ITPR2: variants seen among roughly 807,000 people sequenced by gnomAD.
ITPR2 encodes inositol 1,4,5-trisphosphate receptor type 2.
Under a neutral mutation model 317.1 loss-of-function variants are expected in ITPR2, and 207 were observed. That is an observed-to-expected ratio of 0.65 (90% CI 0.58 to 0.73). ITPR2 has a LOEUF of 0.73. Ranked by LOEUF, ITPR2 falls within the 30% of genes least tolerant of loss-of-function variation. ITPR2 has a pLI of 0.00. For synonymous variants in ITPR2, 1,156 were observed against 1,149.1 expected, an observed-to-expected ratio of 1.01 and a Z score of -0.12; for missense variants, 2,613 against 3,284.0, an observed-to-expected ratio of 0.80 and a Z score of 4.99.
At chr12:26,725,023 T>G (rs1179690585) in intron 3 of ITPR2, among the ~76,000 whole-genome samples, 1 of 152,128 alleles carries the variant, frequency 6.6e-6, no homozygotes, top group African/African-American at 2.4e-5. Flanking sequence ...GATTATAATA[T>G]AGTGTGATGA....
chr12:26,680,322 T>C (rs535635276), intron 13 of ITPR2, among the ~76,000 whole-genome samples: 1 of 152,306 alleles, frequency 6.6e-6, no homozygotes, highest in African/African-American at 2.4e-5. Flanking sequence ...ATTACACATA[T>C]GTCCCACATT....
rs1938698206 is a variant in ITPR2 at position 26,358,104 on chromosome 12, CGGCCGGGCGCGG to C, written c.7858-17788_7858-17777del. Among the ~76,000 whole-genome samples, 4 of 47,840 alleles carry C rather than the reference CGGCCGGGCGCGG, an allele frequency of 8.4e-5. 2 individuals are homozygous for C. The highest frequency in any genetic ancestry group is 4.2e-4 in the Admixed American group (2 of 4,784). The allele number at this position is 47,840 out of a possible 152,430, so 31.4% of individuals were successfully genotyped here. ...TCTATGGATAAAGAATAAAGTCGTT[CGGCCGGGCGCGG>C]TGGCTCACGCCTGTAATCCCAGCAC... On this transcript the variant is annotated intron_variant, in intron 55 of 56. Transcript: ENST00000381340.
At chr12:26,782,931 T>C (rs1054036752) in intron 2 of ITPR2, among the ~76,000 whole-genome samples, 12 of 152,328 alleles carry the variant, frequency 7.9e-5, no homozygotes, top group Admixed American at 2.6e-4. Flanking sequence ...GCAGAATCAC[T>C]GTTAGACAAG....
chr12:26,548,199 T>C lies in ITPR2; in HGVS notation c.5073+2048A>G, dbSNP rs138901785. On this transcript the variant is annotated intron_variant, in intron 37 of 56. Transcript: ENST00000381340. ...GGAACAATTGATAAGTACTACCCAGTAGCTCCTCCACAAAGATAGCCGGTG... is the reference window on the plus strand; with the variant it reads ...GGAACAATTGATAAGTACTACCCAGCAGCTCCTCCACAAAGATAGCCGGTG... Among the ~76,000 whole-genome samples the C allele has an allele frequency of 1.7e-3, 258 of 152,330 alleles. 1 individual carries two copies. The highest frequency in any genetic ancestry group is 6.0e-3 in the African/African-American group (248 of 41,568).
intron 13 of ITPR2, among the ~76,000 whole-genome samples, chr12:26,679,112 A>G (rs1947975175): frequency 6.6e-6 from 1 of 152,232 alleles, no homozygotes; most frequent in African/African-American, 2.4e-5. Flanking sequence ...TTTAGCTCTG[A>G]TATTTACTTG....
intron 2 of ITPR2, among the ~76,000 whole-genome samples, chr12:26,780,226 T>C (rs7301444): frequency 0.79 from 119,573 of 152,166 alleles, 47,203 homozygotes; most frequent in East Asian, 0.97. Context: ...ACACTGAGCC[T>C]TCGATATGGC....
rs779566430 is a variant in ITPR2 at position 26,666,076 on chromosome 12, T to C, written c.1410-25A>G. 3.1e-6 allele frequency: 5 copies of C among 1,601,812 alleles called. No individual in the cohort carries two copies. The African/African-American group carries it at 6.7e-5, about 22-fold the overall frequency. Reference sequence around the variant, plus strand: ...CCTATTACAAAATGAAAAGGAAATTTTACTTTACAGTGTGCTTAATTTTGG... The same window carrying C: ...CCTATTACAAAATGAAAAGGAAATTCTACTTTACAGTGTGCTTAATTTTGG... On this transcript the variant is annotated intron_variant, in intron 13 of 56. Coordinates refer to ENST00000381340, the MANE Select transcript of ITPR2 (RefSeq NM_002223.4).
chr12:26,812,551 C>G (rs1260846257), intron 1 of ITPR2, among the ~76,000 whole-genome samples: 3 of 152,164 alleles, frequency 2.0e-5, no homozygotes, highest in Non-Finnish European at 4.4e-5. Context: ...TGCACTCCAG[C>G]CTGGGCGACA....
chr12:26,536,797 G>T (rs1008025056), intron 37 of ITPR2, among the ~76,000 whole-genome samples: 1 of 152,226 alleles, frequency 6.6e-6, no homozygotes, highest in African/African-American at 2.4e-5. Flanking sequence ...CAAGATCAAG[G>T]TTCCAAAGTC....
At chr12:26,476,607 T>C (rs1942422523) in intron 44 of ITPR2, among the ~76,000 whole-genome samples, 1 of 152,204 alleles carries the variant, frequency 6.6e-6, no homozygotes, top group Non-Finnish European at 1.5e-5. Context: ...TATGCTCCAA[T>C]ACACCATTAA....
intron 36 of ITPR2, among the ~76,000 whole-genome samples, chr12:26,553,497 C>T (rs1262000538): frequency 6.6e-6 from 1 of 152,164 alleles, no homozygotes; most frequent in Non-Finnish European, 1.5e-5. Flanking sequence ...CAATACAAGA[C>T]CCCTGGCAGC....
intron 37 of ITPR2, among the ~76,000 whole-genome samples, chr12:26,509,958 T>TTTTGTGTGTG (rs1247091708): frequency 1.7e-4 from 9 of 53,262 alleles, no homozygotes; most frequent in East Asian, 5.9e-4. Context: ...GATAAGGGTT[T>TTTTGTGTGTG]TGTGTGTGTG....
Position 26,688,611 on chromosome 12 carries a change from C to T in ITPR2, c.997-1979G>A, listed in dbSNP as rs561946971. 5.9e-5 allele frequency among the ~76,000 whole-genome samples: 9 copies of T among 152,110 alleles called. No homozygotes were observed. The South Asian group carries it at 6.2e-4, about 11-fold the overall frequency. ...GGAGGTGGGGAGAAAGAATAGAGAA[C>T]AAGAGGGGAGCAGTAGATGGTGGTA... On this transcript the variant is annotated intron_variant, in intron 10 of 56. Transcript: ENST00000381340.
At chr12:26,720,515 A>C (rs2137040914) in intron 5 of ITPR2, among the ~76,000 whole-genome samples, 1 of 152,340 alleles carries the variant, frequency 6.6e-6, no homozygotes, top group East Asian at 1.9e-4. Context: ...AACGAGTATT[A>C]CAATACAATT....
intron 37 of ITPR2, among the ~76,000 whole-genome samples, chr12:26,535,869 G>T (rs1243144710): frequency 2.0e-5 from 3 of 152,074 alleles, no homozygotes; most frequent in Non-Finnish European, 4.4e-5. Flanking sequence ...AATCCAAAAA[G>T]AACAACTTAT....
chr12:26,395,590 G>A (rs1007993086), intron 54 of ITPR2, among the ~76,000 whole-genome samples: 4 of 115,082 alleles, frequency 3.5e-5, no homozygotes, highest in African/African-American at 8.1e-5. Flanking sequence ...GATTATGACC[G>A]TGAAAAAAAG....
intron 24 of ITPR2, chr12:26,623,550 A>G (rs1361567278): frequency 6.6e-6 from 1 of 152,222 alleles, no homozygotes; most frequent in Non-Finnish European, 1.5e-5. Context: ...ATGTATATAT[A>G]GGAAAAAACA....
chr12:26,601,084 T>A (rs1945988989), intron 28 of ITPR2, among the ~76,000 whole-genome samples: 1 of 152,164 alleles, frequency 6.6e-6, no homozygotes, highest in Non-Finnish European at 1.5e-5. Context: ...AACTTAAGTC[T>A]CAAAATTCAC....
At chr12:26,411,722 T>C (rs1326812167) in intron 51 of ITPR2, among the ~76,000 whole-genome samples, 2 of 152,218 alleles carry the variant, frequency 1.3e-5, no homozygotes, top group African/African-American at 2.4e-5. Flanking sequence ...GGCAAACTCA[T>C]TCAGGGTTCT....
Sources: gnomAD v4.1 joint callset for allele counts (sites outside exome capture counted in the v4.1 genomes callset) on GRCh38, gnomAD v4.1.1 for gene constraint, MANE v1.5 for transcripts, NCBI Gene and HGNC (gene_info 2026-07-23, HGNC 2026-07-21) for gene names.